DIAPH2: variants seen among roughly 807,000 people sequenced by gnomAD.
The protein encoded by DIAPH2 is protein diaphanous homolog 2.
Under a neutral mutation model 92.7 loss-of-function variants are expected in DIAPH2, and 35 were observed. The observed-to-expected ratio is 0.38, with a 90% CI of 0.29 to 0.50. The LOEUF (loss-of-function observed/expected upper bound fraction) is 0.50. Ranked by LOEUF, DIAPH2 falls within the 20% of genes least tolerant of loss-of-function variation. The pLI is 0.94. For missense variants in DIAPH2, 701 were observed against 819.5 expected (o/e 0.86, Z 1.77); for synonymous variants, 301 against 280.4 (o/e 1.07, Z -0.73).
intron 9 of DIAPH2, among the ~76,000 whole-genome samples, chrX:96,925,149 ATCTCT>A (rs1282966144): frequency 9.1e-6 from 1 of 110,030 alleles, no homozygotes; most frequent in East Asian, 2.9e-4. Flanking sequence ...TCTTTATCTG[ATCTCT>A]TCTCTTCCTC....
chrX:97,481,569 C>A (rs2147816433), intron 26 of DIAPH2, among the ~76,000 whole-genome samples: 1 of 111,301 alleles, frequency 9.0e-6, no homozygotes, highest in African/African-American at 3.3e-5. Context: ...ACTAAATGAG[C>A]CAGGGACAGA....
chrX:97,031,111 A>T (rs2147878529), intron 17 of DIAPH2, among the ~76,000 whole-genome samples: 1 of 110,943 alleles, frequency 9.0e-6, no homozygotes, highest in South Asian at 3.9e-4. Flanking sequence ...CTCACTGATT[A>T]ACCACCCTTT....
chrX:96,693,483 A>G (rs370104906), intron 1 of DIAPH2, among the ~76,000 whole-genome samples: 4 of 112,376 alleles, frequency 3.6e-5, no homozygotes, highest in African/African-American at 1.3e-4. Flanking sequence ...ATATGTAGAT[A>G]GGAAGACCTT....
chrX:97,351,140 T>A (rs2069208589), intron 24 of DIAPH2, among the ~76,000 whole-genome samples: 1 of 112,529 alleles, frequency 8.9e-6, no homozygotes, highest in East Asian at 2.8e-4. Context: ...ACGTATTAAC[T>A]GTTTTGAACG....
At chrX:96,939,484 G>GTGTGTGTATATATATACATATATA (rs745521574) in intron 12 of DIAPH2, 102 bp downstream of exon 12, 30 of 145,195 alleles carry the variant, frequency 2.1e-4, no homozygotes, top group African/African-American at 1.0e-3. Context: ...ATATGTGTGT[G>GTGTGTGTATATATATACATATATA]TATGTATATA....
intron 22 of DIAPH2, among the ~76,000 whole-genome samples, chrX:97,195,845 A>G (rs1338324465): frequency 8.2e-5 from 9 of 109,845 alleles, no homozygotes; most frequent in African/African-American, 3.0e-4. Context: ...AAGAGTAAGC[A>G]TCCATGGGGC....
intron 17 of DIAPH2, among the ~76,000 whole-genome samples, chrX:97,010,162 G>A (rs1463610345): frequency 8.9e-6 from 1 of 112,011 alleles, no homozygotes; most frequent in East Asian, 2.8e-4. Context: ...TTATCTAAAT[G>A]TTCCCTCTGT....
chrX:97,130,999 G>A (rs898598734), intron 21 of DIAPH2, among the ~76,000 whole-genome samples: 6 of 110,109 alleles, frequency 5.4e-5, no homozygotes, highest in Non-Finnish European at 1.1e-4. Context: ...ACAGCTACTC[G>A]GGAGGCTGAG....
chrX:97,346,562 T>C (rs1302134681), intron 23 of DIAPH2, among the ~76,000 whole-genome samples: 2 of 112,041 alleles, frequency 1.8e-5, no homozygotes, highest in African/African-American at 6.5e-5. Context: ...GGAAAACTTA[T>C]GGATTTATTT....
intron 26 of DIAPH2, among the ~76,000 whole-genome samples, chrX:97,568,115 CAAAAAAAAA>C (rs59273565): frequency 3.3e-5 from 1 of 30,087 alleles, no homozygotes; most frequent in East Asian, 1.3e-3. Context: ...GACTCCATCT[CAAAAAAAAA>C]AAAAAAAAAA....
At chrX:97,384,586 G>C (rs1602552231) in intron 25 of DIAPH2, among the ~76,000 whole-genome samples, 1 of 111,923 alleles carries the variant, frequency 8.9e-6, no homozygotes, top group African/African-American at 3.2e-5. Flanking sequence ...GTTGTTTGAG[G>C]CCGGGCACAG....
intron 4 of DIAPH2, among the ~76,000 whole-genome samples, chrX:96,849,243 G>A (rs967356849): frequency 9.0e-6 from 1 of 111,652 alleles, no homozygotes; most frequent in Non-Finnish European, 1.9e-5. Flanking sequence ...TTGGCTTACT[G>A]CAACCTCCGC....
rs1316452066 is a variant in DIAPH2, at chrX:97,099,814, G to A, written c.2349+19G>A. On this transcript the variant is annotated intron_variant, in intron 20 of 26. Transcript: ENST00000324765. ...AGTTGTGGTATGTATCCAACATGAG[G>A]GACCACAAACTCAGCTGGGAGGTTA... 4 of 989,764 alleles carry A rather than the reference G, an allele frequency of 4.0e-6. No individual in the cohort carries two copies. In the African/African-American group the frequency reaches 5.9e-5, roughly 15 times the overall value. 81.6% of individuals were successfully genotyped at this position (989,764 alleles called of 1,213,427 possible).
At chrX:96,743,852 A>G (rs910963059) in intron 3 of DIAPH2, among the ~76,000 whole-genome samples, 2 of 111,907 alleles carry the variant, frequency 1.8e-5, no homozygotes, top group Non-Finnish European at 3.8e-5. Flanking sequence ...CACCACAAAA[A>G]TCACAACCAT....
chrX:97,001,736 G>T (rs1232767821), intron 17 of DIAPH2, among the ~76,000 whole-genome samples: 1 of 111,605 alleles, frequency 9.0e-6, no homozygotes, highest in Non-Finnish European at 1.9e-5. Flanking sequence ...AATTCTCTCT[G>T]TATCTTTTTT....
At chrX:96,884,557 G>A in intron 5 of DIAPH2, 1 of 1,210,906 alleles carries the variant, frequency 8.3e-7, no homozygotes, top group African/African-American at 1.7e-5. Context: ...AATCAGAGGG[G>A]CAGAGAAGGC....
chrX:97,042,069 G>C (rs1265745483), intron 17 of DIAPH2, among the ~76,000 whole-genome samples: 1 of 111,558 alleles, frequency 9.0e-6, no homozygotes, highest in Non-Finnish European at 1.9e-5. Context: ...CTAAATCTCA[G>C]TTTCATCTGT....
At chrX:97,179,361 C>T (rs1235039165) in intron 22 of DIAPH2, among the ~76,000 whole-genome samples, 4 of 108,597 alleles carry the variant, frequency 3.7e-5, no homozygotes, top group African/African-American at 1.3e-4. Context: ...TCTAGGTTCC[C>T]TCCCCTCACC....
intron 9 of DIAPH2, among the ~76,000 whole-genome samples, chrX:96,928,689 G>A (rs2065599739): frequency 9.0e-6 from 1 of 110,832 alleles, no homozygotes; most frequent in African/African-American, 3.3e-5. Context: ...ATATCTATTA[G>A]AATATGATAT....
Sources: gnomAD v4.1 joint callset for allele counts (sites outside exome capture counted in the v4.1 genomes callset) on GRCh38, gnomAD v4.1.1 for gene constraint, MANE v1.5 for transcripts, NCBI Gene and HGNC (gene_info 2026-07-23, HGNC 2026-07-21) for gene names.